Variants in ADGRL3 observed in about 807,000 individuals in gnomAD.
ADGRL3 encodes adhesion G protein-coupled receptor L3.
ADGRL3 carries 62 observed loss-of-function variants against 153.5 expected under a neutral mutation model. That is an observed-to-expected ratio of 0.40 (90% confidence interval 0.33 to 0.50). The LOEUF is 0.50. ADGRL3 is among the 20% of genes least tolerant of loss of function. The pLI is 0.47. For synonymous variants in ADGRL3, 710 were observed against 672.5 expected, an observed-to-expected ratio of 1.06 and a Z score of -0.86; for missense variants, 1,641 against 1,859.4, an observed-to-expected ratio of 0.88 and a Z score of 2.16.
intron 2 of ADGRL3, among the ~76,000 whole-genome samples, chr4:61,418,939 A>G (rs2097173341): frequency 6.6e-6 from 1 of 150,816 alleles, no homozygotes; most frequent in Non-Finnish European, 1.5e-5. Context: ...TTTAGTGACT[A>G]TAAATAGAAA....
chr4:61,778,058 A>G (rs1197658690), intron 8 of ADGRL3, among the ~76,000 whole-genome samples: 2 of 152,178 alleles, frequency 1.3e-5, no homozygotes, highest in Non-Finnish European at 2.9e-5. Flanking sequence ...CAAAAGGAAA[A>G]TTCCATACCT....
At chr4:61,865,589 G>A (rs1033251565) in intron 9 of ADGRL3, among the ~76,000 whole-genome samples, 2 of 152,156 alleles carry the variant, frequency 1.3e-5, no homozygotes, top group Non-Finnish European at 2.9e-5. Flanking sequence ...TTGAAATTCA[G>A]TGTACAGTTC....
At chr4:61,557,285 A>C (rs2098771599) in intron 4 of ADGRL3, among the ~76,000 whole-genome samples, 1 of 152,176 alleles carries the variant, frequency 6.6e-6, no homozygotes, top group Admixed American at 6.5e-5. Context: ...AATACACATT[A>C]GAATACTTCA....
chr4:61,386,516 G>A (rs2096737969), intron 2 of ADGRL3, among the ~76,000 whole-genome samples: 1 of 152,098 alleles, frequency 6.6e-6, no homozygotes, highest in Non-Finnish European at 1.5e-5. Flanking sequence ...TTGTTCAGCA[G>A]GGTTTATACT....
At chr4:61,230,429 G>T (rs1380868852) in intron 1 of ADGRL3, among the ~76,000 whole-genome samples, 1 of 152,178 alleles carries the variant, frequency 6.6e-6, no homozygotes, top group East Asian at 1.9e-4. Flanking sequence ...ATGTGGAGTT[G>T]ATGGCAAAAG....
intron 1 of ADGRL3, among the ~76,000 whole-genome samples, chr4:61,265,266 A>T: frequency 6.6e-6 from 1 of 151,930 alleles, no homozygotes; most frequent in East Asian, 1.9e-4. Context: ...CAATACGTGA[A>T]GCTTTGTCAT....
chr4:61,595,872 A>G (rs990886565), intron 5 of ADGRL3, among the ~76,000 whole-genome samples: 1 of 152,072 alleles, frequency 6.6e-6, no homozygotes, highest in African/African-American at 2.4e-5. Context: ...GGCTGGTCCA[A>G]ATGCTCCCTT....
chr4:61,380,685 G>A (rs184385009), intron 1 of ADGRL3, among the ~76,000 whole-genome samples: 206 of 151,960 alleles, frequency 1.4e-3, no homozygotes, highest in African/African-American at 4.7e-3. Flanking sequence ...GCTTTCGAAC[G>A]ATATGGAACT....
chr4:61,675,722 T>C (rs1580222815), intron 5 of ADGRL3, among the ~76,000 whole-genome samples: 1 of 151,504 alleles, frequency 6.6e-6, no homozygotes, highest in East Asian at 1.9e-4. Context: ...ATGAGATATT[T>C]TGAAAAAGGC....
intron 1 of ADGRL3, among the ~76,000 whole-genome samples, chr4:61,278,330 G>A (rs1455580697): frequency 6.6e-6 from 1 of 152,020 alleles, no homozygotes; most frequent in Non-Finnish European, 1.5e-5. Flanking sequence ...CAAAACCCTG[G>A]AGTTTTGAGC....
At chr4:61,558,858 A>G (rs28454515) in intron 4 of ADGRL3, among the ~76,000 whole-genome samples, 27,707 of 151,978 alleles carry the variant, frequency 0.18, 2,832 homozygotes, top group Non-Finnish European at 0.23. Flanking sequence ...TTTCTAGGCC[A>G]CAAAGAACAT....
intron 1 of ADGRL3, among the ~76,000 whole-genome samples, chr4:61,211,236 C>T: frequency 6.6e-6 from 1 of 152,144 alleles, no homozygotes. Flanking sequence ...CCTAAAGATT[C>T]TTGGGAAAGA....
At chr4:61,563,059 A>G (rs1469552878) in intron 4 of ADGRL3, among the ~76,000 whole-genome samples, 1 of 152,112 alleles carries the variant, frequency 6.6e-6, no homozygotes, top group Non-Finnish European at 1.5e-5. Context: ...GCAGCTATAG[A>G]GAGTGTTATA....
intron 15 of ADGRL3, among the ~76,000 whole-genome samples, chr4:61,941,339 G>T (rs1459369915): frequency 8.8e-6 from 1 of 113,350 alleles, no homozygotes; most frequent in African/African-American, 3.5e-5. Flanking sequence ...CTGTAGCCTT[G>T]TAGTATAGTT....
chr4:61,393,600 A>G (rs1009623152), intron 2 of ADGRL3, among the ~76,000 whole-genome samples: 2 of 152,014 alleles, frequency 1.3e-5, no homozygotes, highest in Non-Finnish European at 2.9e-5. Flanking sequence ...TTTATTATAA[A>G]TTATCATTTT....
chr4:61,361,533 A>G (rs1352470529), intron 1 of ADGRL3, among the ~76,000 whole-genome samples: 8 of 152,220 alleles, frequency 5.3e-5, no homozygotes, highest in Non-Finnish European at 1.2e-4. Context: ...TCAATTACAA[A>G]TTAATTCCTA....
At chr4:61,228,800 C>A (rs1390212342) in intron 1 of ADGRL3, among the ~76,000 whole-genome samples, 1 of 152,184 alleles carries the variant, frequency 6.6e-6, no homozygotes, top group Non-Finnish European at 1.5e-5. Context: ...TCAAGTGATT[C>A]TCCTGCCTCA....
intron 6 of ADGRL3, among the ~76,000 whole-genome samples, chr4:61,694,702 G>C (rs2095608931): frequency 1.3e-5 from 2 of 152,118 alleles, no homozygotes; most frequent in Non-Finnish European, 2.9e-5. Flanking sequence ...TTGTCACATG[G>C]ACTGACTCTC....
At chr4:61,205,828 G>A (rs1186421653) in intron 1 of ADGRL3, among the ~76,000 whole-genome samples, 1 of 152,114 alleles carries the variant, frequency 6.6e-6, no homozygotes, top group East Asian at 1.9e-4. Flanking sequence ...AATGTAGCGT[G>A]AGCATGCTTG....
Sources: gnomAD v4.1 joint callset for allele counts (sites outside exome capture counted in the v4.1 genomes callset) on GRCh38, gnomAD v4.1.1 for gene constraint, MANE v1.5 for transcripts, NCBI Gene and HGNC (gene_info 2026-07-23, HGNC 2026-07-21) for gene names.